ENTREP2: variants seen among roughly 807,000 people sequenced by gnomAD.
ENTREP2 encodes the protein protein ENTREP2.
At chr15:29,446,413 C>T in the ENTREP2 span, among the ~76,000 whole-genome samples, 1 of 152,084 alleles carries the variant, frequency 6.6e-6, no homozygotes, top group Admixed American at 6.5e-5. Flanking sequence ...AGGTTCCCCA[C>T]GTTTCTGTTT....
the ENTREP2 span, among the ~76,000 whole-genome samples, chr15:29,384,160 G>A: frequency 6.6e-6 from 1 of 152,126 alleles, no homozygotes; most frequent in Non-Finnish European, 1.5e-5. Flanking sequence ...GGCCTTTCTT[G>A]GAAGGAGATG....
At chr15:29,447,681 G>A in the ENTREP2 span, among the ~76,000 whole-genome samples, 1 of 151,486 alleles carries the variant, frequency 6.6e-6, no homozygotes, top group African/African-American at 2.4e-5. Context: ...TAGAGATGGG[G>A]GTCTCGCCAT....
the ENTREP2 span, among the ~76,000 whole-genome samples, chr15:29,668,389 G>T: frequency 6.6e-6 from 1 of 152,122 alleles, no homozygotes; most frequent in African/African-American, 2.4e-5. Context: ...TAATTACCGT[G>T]ACCCGGCAAT....
the ENTREP2 span, among the ~76,000 whole-genome samples, chr15:29,574,246 A>T: frequency 6.6e-6 from 1 of 152,078 alleles, no homozygotes; most frequent in African/African-American, 2.4e-5. Context: ...TTCTCCCTGG[A>T]TCAGATGGGA....
At chr15:29,561,628 C>T in the ENTREP2 span, among the ~76,000 whole-genome samples, 1 of 151,996 alleles carries the variant, frequency 6.6e-6, no homozygotes, top group Non-Finnish European at 1.5e-5. Context: ...GCAGAGCTTG[C>T]AGTGAGCCGA....
At chr15:29,638,370 A>G in the ENTREP2 span, among the ~76,000 whole-genome samples, 2 of 152,192 alleles carry the variant, frequency 1.3e-5, no homozygotes, top group Non-Finnish European at 2.9e-5. Context: ...CCTGCAAGTC[A>G]TAACCAAAAC....
At chr15:29,234,987 C>A in the ENTREP2 span, 1 of 1,401,834 alleles carries the variant, frequency 7.1e-7, no homozygotes, top group South Asian at 1.2e-5. Context: ...ACACAGCCAT[C>A]ATGCACATTT....
the ENTREP2 span, among the ~76,000 whole-genome samples, chr15:29,582,980 T>A: frequency 6.6e-6 from 1 of 152,012 alleles, no homozygotes; most frequent in Non-Finnish European, 1.5e-5. Flanking sequence ...AAATTGCACA[T>A]TAAAGGAGGA....
chr15:29,605,103 C>G, the ENTREP2 span, among the ~76,000 whole-genome samples: 2 of 149,768 alleles, frequency 1.3e-5, no homozygotes, highest in Non-Finnish European at 2.9e-5. Context: ...TGAAGCTGCT[C>G]TGTTTCCTGG....
chr15:29,525,172 G>A, the ENTREP2 span, among the ~76,000 whole-genome samples: 2 of 152,290 alleles, frequency 1.3e-5, no homozygotes, highest in African/African-American at 4.8e-5. Flanking sequence ...GTAAAATGAA[G>A]ACACTTTAGA....
the ENTREP2 span, among the ~76,000 whole-genome samples, chr15:29,218,921 C>A: frequency 6.6e-6 from 1 of 152,064 alleles, no homozygotes; most frequent in Non-Finnish European, 1.5e-5. Flanking sequence ...GATTTCATGA[C>A]CAGGAACCCA....
At chr15:29,234,329 A>ATGAGAATCTC in the ENTREP2 span, 1 of 1,603,628 alleles carries the variant, frequency 6.2e-7, no homozygotes, top group Non-Finnish European at 8.5e-7. Flanking sequence ...AGAGTAACTA[A>ATGAGAATCTC]TGAGAATCTC....
the ENTREP2 span, among the ~76,000 whole-genome samples, chr15:29,453,520 G>A: frequency 6.6e-6 from 1 of 152,224 alleles, no homozygotes; most frequent in Admixed American, 6.5e-5. Flanking sequence ...AGCAAATACA[G>A]AGCATAGACA....
chr15:29,383,770 C>T, the ENTREP2 span, among the ~76,000 whole-genome samples: 3 of 152,222 alleles, frequency 2.0e-5, no homozygotes, highest in East Asian at 5.8e-4. Flanking sequence ...AAACATCTGG[C>T]CACAAAACAA....
At chr15:29,245,529 A>G in the ENTREP2 span, among the ~76,000 whole-genome samples, 3 of 152,018 alleles carry the variant, frequency 2.0e-5, no homozygotes, top group South Asian at 6.2e-4. Flanking sequence ...AAAAGTCAAA[A>G]GATGCATAAC....
chr15:29,233,416 TA>T, the ENTREP2 span, among the ~76,000 whole-genome samples: 1 of 152,334 alleles, frequency 6.6e-6, no homozygotes, highest in African/African-American at 2.4e-5. Context: ...ATCTAGGATT[TA>T]AAAAATGGAT....
chr15:29,257,357 G>A, the ENTREP2 span, among the ~76,000 whole-genome samples: 961 of 152,300 alleles, frequency 6.3e-3, 13 homozygotes, highest in African/African-American at 0.022. Flanking sequence ...ACAGGCGTGA[G>A]CCACCGCGCC....
At chr15:29,574,551 C>T in the ENTREP2 span, among the ~76,000 whole-genome samples, 4 of 152,148 alleles carry the variant, frequency 2.6e-5, no homozygotes, top group Non-Finnish European at 4.4e-5. Flanking sequence ...CTTGGCCTCC[C>T]GAAGTACTGG....
At chr15:29,326,564 A>G in the ENTREP2 span, among the ~76,000 whole-genome samples, 1 of 152,174 alleles carries the variant, frequency 6.6e-6, no homozygotes, top group Non-Finnish European at 1.5e-5. Context: ...AAAGAGTTCA[A>G]AGATTACCTA....
Sources: gnomAD v4.1 joint callset for allele counts (sites outside exome capture counted in the v4.1 genomes callset) on GRCh38, gnomAD v4.1.1 for gene constraint, MANE v1.5 for transcripts, NCBI Gene and HGNC (gene_info 2026-07-23, HGNC 2026-07-21) for gene names.